Variants in SYNE1 observed in about 807,000 individuals in gnomAD.
SYNE1 encodes the protein spectrin repeat containing nuclear envelope protein 1.
In SYNE1, 616 loss-of-function variants were observed where a neutral mutation model predicts 1,111.0. That is an observed-to-expected ratio of 0.55 (90% CI 0.52 to 0.59). The LOEUF (loss-of-function observed/expected upper bound fraction) is 0.59. Ranked by LOEUF, SYNE1 falls within the 20% of genes least tolerant of loss-of-function variation. The pLI, the probability that SYNE1 is intolerant of heterozygous loss-of-function variation, is 0.00. For synonymous variants in SYNE1, 3,855 were observed against 3,825.8 expected, an observed-to-expected ratio of 1.01 and a Z score of -0.28; for missense variants, 10,006 against 10,417.0, an observed-to-expected ratio of 0.96 and a Z score of 1.72.
chr6:152,232,145 C>T lies in SYNE1; in HGVS notation c.20833G>A (p.Ala6945Thr), dbSNP rs186777944. The T allele has an allele frequency of 4.4e-6, 7 of 1,598,604 alleles. No individual in the cohort carries two copies. In the Admixed American group the frequency reaches 1.0e-4, roughly 23 times the overall value. ...TATTTCTGAAGGTATTCATGAATTG[C>T]CTTGTAACCTATGGAATTTTTAATA... is the stretch of plus-strand genomic sequence containing the variant. ...DNIKNSIGYKAIHEYLQKYKG... is the reference protein window; with the variant it reads ...DNIKNSIGYKTIHEYLQKYKG... The change falls in exon 113 of 146, where the codon GCA (alanine) becomes ACA (threonine). Residue 6945 changes from alanine (A) to threonine (T), a missense_variant. This residue lies in a region of SYNE1 where 2,182 missense variants were observed against 2,287.8 expected (regional missense o/e 0.95). Coordinates refer to ENST00000367255, the MANE Select transcript of SYNE1 (RefSeq NM_182961.4).
At chr6:152,441,070 C>A in intron 32 of SYNE1, 60 bp downstream of exon 32, 1 of 1,591,590 alleles carries the variant, frequency 6.3e-7, no homozygotes, top group Non-Finnish European at 8.6e-7. Context: ...GAGGAGAAAT[C>A]ATTTTGTTTG....
chr6:152,228,294 A>G (rs1268295343), intron 115 of SYNE1, among the ~76,000 whole-genome samples: 1 of 152,204 alleles, frequency 6.6e-6, no homozygotes, highest in African/African-American at 2.4e-5. Flanking sequence ...ATTTGAAATC[A>G]TGAACCGGCA....
chr6:152,593,359 C>A (rs528734294), intron 3 of SYNE1, among the ~76,000 whole-genome samples: 2 of 151,982 alleles, frequency 1.3e-5, no homozygotes, highest in Non-Finnish European at 2.9e-5. Flanking sequence ...CTGAGGTGGG[C>A]GGATCACGAG....
chr6:152,456,494 A>G (rs1379855037), intron 22 of SYNE1, among the ~76,000 whole-genome samples: 1 of 151,716 alleles, frequency 6.6e-6, no homozygotes, highest in East Asian at 1.9e-4. Flanking sequence ...GATGCACTAT[A>G]TATATATATA....
At chr6:152,136,897 GA>G (rs1296180262) in intron 140 of SYNE1, 79 bp from the exon 141 acceptor site, 1 of 1,510,902 alleles carries the variant, frequency 6.6e-7, no homozygotes, top group Non-Finnish European at 9.1e-7. Flanking sequence ...TCACATGAAT[GA>G]AAAGATCCAT....
chr6:152,334,224 A>C lies in SYNE1; in HGVS notation c.12578T>G (p.Ile4193Arg), dbSNP rs753135017. The C allele has an allele frequency of 1.2e-6, 2 of 1,613,982 alleles. No homozygotes were observed. The highest frequency in any genetic ancestry group is 2.2e-5 in the South Asian group (2 of 91,078). The change falls in exon 77 of 146, where the codon ATA becomes AGA. Residue 4193 changes from isoleucine to arginine, a missense_variant. By Grantham distance (97) the Ile-to-Arg change is moderately conservative (BLOSUM62 -3). Coordinates refer to ENST00000367255, the MANE Select transcript of SYNE1 (RefSeq NM_182961.4). Reference sequence around the variant, plus strand: ...CTTTGTTAACTTATTCACCTTTTCTATTATGGTGTTCACGGATGCCTGTTT... The same window carrying C: ...CTTTGTTAACTTATTCACCTTTTCTCTTATGGTGTTCACGGATGCCTGTTT... ...QSKQASVNTI[I>R]EKVNKLTKKE...
chr6:152,381,238 A>C lies in SYNE1; in HGVS notation c.8777T>G (p.Leu2926Arg), dbSNP rs762632568. The C allele has an allele frequency of 3.1e-6, 5 of 1,614,240 alleles. No individual in the cohort carries two copies. The South Asian group carries it at 5.5e-5, about 18-fold the overall frequency. ...TTCCCACTGCTTCCAGTCGGCACGC[A>C]GGGCCTGCATCTCCGTGTGCATGAG... The part of the protein sequence containing the change: ...CELMHTEMQA[L>R]RADWKQWEDS... Residue 2926 changes from leucine (L) to arginine (R), a missense_variant, in exon 56 of 146, where the codon CTG becomes CGG. Physicochemically the swap from Leu to Arg is moderately radical, Grantham distance 102. Coordinates refer to ENST00000367255, the MANE Select transcript of SYNE1 (RefSeq NM_182961.4).
intron 72 of SYNE1, 82 bp from the exon 73 acceptor site, chr6:152,347,317 C>A: frequency 6.7e-7 from 1 of 1,486,848 alleles, no homozygotes; most frequent in Admixed American, 1.8e-5. Flanking sequence ...TAGATTATTT[C>A]ACTGTTTAAT....
At chr6:152,328,117 A>T (rs1590166258) in intron 78 of SYNE1, among the ~76,000 whole-genome samples, 1 of 152,274 alleles carries the variant, frequency 6.6e-6, no homozygotes, top group Admixed American at 6.5e-5. Context: ...CTAATAAAAG[A>T]ATCATTAATA....
intron 74 of SYNE1, among the ~76,000 whole-genome samples, chr6:152,342,185 C>T (rs934003986): frequency 1.3e-5 from 2 of 152,176 alleles, no homozygotes; most frequent in African/African-American, 2.4e-5. Flanking sequence ...CCACGGCTTA[C>T]TCTGGTATGT....
intron 16 of SYNE1, among the ~76,000 whole-genome samples, chr6:152,470,451 T>C (rs2098799555): frequency 6.6e-6 from 1 of 152,174 alleles, no homozygotes; most frequent in Admixed American, 6.6e-5. Context: ...AAATCAAGTT[T>C]TTCATAACTT....
At chr6:152,399,434 T>A in intron 48 of SYNE1, among the ~76,000 whole-genome samples, 182 bp downstream of exon 48, 1 of 152,114 alleles carries the variant, frequency 6.6e-6, no homozygotes, top group South Asian at 2.1e-4. Context: ...AAAGAAAAAA[T>A]TCTGCATAGG....
intron 95 of SYNE1, among the ~76,000 whole-genome samples, chr6:152,285,753 A>G (rs1589344463): frequency 1.3e-5 from 2 of 152,306 alleles, no homozygotes; most frequent in South Asian, 4.1e-4. Flanking sequence ...CCCAATCCTA[A>G]GAAAATCTCC....
At chr6:152,348,288 T>TA (rs2096674824) in intron 72 of SYNE1, among the ~76,000 whole-genome samples, 1 of 152,228 alleles carries the variant, frequency 6.6e-6, no homozygotes, top group African/African-American at 2.4e-5. Context: ...CCCCAGGCTT[T>TA]AGACACAGCT....
chr6:152,275,321 A>C (rs1293318891), intron 98 of SYNE1, among the ~76,000 whole-genome samples: 1 of 152,150 alleles, frequency 6.6e-6, no homozygotes, highest in African/African-American at 2.4e-5. Flanking sequence ...TTGCAGACTT[A>C]AGTTTTATAT....
chr6:152,294,233 T>C, intron 93 of SYNE1, 106 bp from the exon 94 acceptor site: 1 of 1,148,540 alleles, frequency 8.7e-7, no homozygotes, highest in Non-Finnish European at 1.3e-6. Context: ...GATCTACACC[T>C]TTCATGGGGC....
chr6:152,213,499 A>G, intron 123 of SYNE1, 113 bp downstream of exon 123: 1 of 1,216,140 alleles, frequency 8.2e-7, no homozygotes, highest in Non-Finnish European at 1.2e-6. Flanking sequence ...TGATGCATGC[A>G]TTTAGACACT....
intron 131 of SYNE1, among the ~76,000 whole-genome samples, chr6:152,157,989 C>T (rs1399785674): frequency 6.6e-6 from 1 of 152,006 alleles, no homozygotes; most frequent in Non-Finnish European, 1.5e-5. Context: ...GAACTCCTGA[C>T]CAGGTGATCC....
intron 130 of SYNE1, among the ~76,000 whole-genome samples, chr6:152,166,812 G>A (rs1350482104): frequency 6.6e-6 from 1 of 152,146 alleles, no homozygotes; most frequent in Non-Finnish European, 1.5e-5. Context: ...TGTGTGCTGG[G>A]GGAGCAGAGG....
Sources: allele counts gnomAD v4.1 joint callset (sites outside exome capture counted in the v4.1 genomes callset), GRCh38; gene constraint gnomAD v4.1.1; regional missense constraint gnomAD v4.1.1; transcripts MANE v1.5; gene names NCBI Gene and HGNC (gene_info 2026-07-23, HGNC 2026-07-21).